Variants in ATG4A observed in about 807,000 individuals in gnomAD.
The protein encoded by ATG4A is autophagy related 4A cysteine peptidase.
A neutral mutation model predicts 38.4 loss-of-function variants in ATG4A; 22 were observed. The ratio of observed to expected loss-of-function variants is 0.57; its 90% CI spans 0.41 to 0.82. The LOEUF (loss-of-function observed/expected upper bound fraction) is 0.82, where lower values mean the gene tolerates loss of function less well. ATG4A is among the 40% of genes least tolerant of loss of function. The pLI is 0.00. For missense variants in ATG4A, 220 were observed against 290.0 expected (o/e 0.76, Z 1.75); for synonymous variants, 86 against 100.7 (o/e 0.85, Z 0.88).
At chrX:108,152,477 C>T (rs953179008) in intron 11 of ATG4A, among the ~76,000 whole-genome samples, 5 of 111,455 alleles carry the variant, frequency 4.5e-5, no homozygotes, top group Non-Finnish European at 9.4e-5. Flanking sequence ...GTGATCTGCC[C>T]ACCTCGGCCT....
At chrX:108,108,008 G>A (rs2032230649) in intron 1 of ATG4A, among the ~76,000 whole-genome samples, 1 of 111,000 alleles carries the variant, frequency 9.0e-6, no homozygotes. Context: ...CTCCCTACTT[G>A]ATTTTTGCTG....
chrX:108,153,193 A>G (rs1360376202), intron 12 of ATG4A, 106 bp downstream of exon 12: 5 of 574,235 alleles, frequency 8.7e-6, no homozygotes, highest in Non-Finnish European at 1.1e-5. Flanking sequence ...TAAAATTTCT[A>G]CTCAGCTGGA....
Position 108,110,339 on chromosome X carries a change from C to T in ATG4A, c.11-15738C>T, listed in dbSNP as rs141589482. On this transcript the variant is annotated intron_variant, in intron 1 of 12. Coordinates refer to ENST00000372232, the MANE Select transcript of ATG4A (RefSeq NM_052936.5). ...GAACCGAGATTGTGCCACCGTACTC[C>T]AGCCTGGGTAACACAATGAGAACCT... Among the ~76,000 whole-genome samples, 6 of 107,100 alleles carry T rather than the reference C, an allele frequency of 5.6e-5. No individual in the cohort carries two copies. The East Asian group carries it at 1.5e-3, about 26-fold the overall frequency. 93.0% of individuals were successfully genotyped at this position (107,100 alleles called of 115,157 possible).
intron 1 of ATG4A, among the ~76,000 whole-genome samples, chrX:108,106,011 T>G (rs192362544): frequency 8.9e-6 from 1 of 111,913 alleles, no homozygotes; most frequent in African/African-American, 3.2e-5. Context: ...AAAATTATTT[T>G]ACTCAATATA....
chrX:108,122,631 T>A (rs1242643773), intron 1 of ATG4A, among the ~76,000 whole-genome samples: 1 of 111,770 alleles, frequency 8.9e-6, no homozygotes, highest in East Asian at 2.8e-4. Flanking sequence ...CATTATTCGA[T>A]CTGTCTGGAG....
At position 108,091,781 on chromosome X, in the gene ATG4A, C is replaced by G. The variant is rs1170520188; in HGVS notation, c.-46C>G. 1.7e-6 allele frequency: 2 copies of G among 1,205,068 alleles called. No individual in the cohort carries two copies. Among genetic ancestry groups the G allele is most frequent in the Middle Eastern group, 2.3e-4 (1 of 4,341 alleles). ...CCAGGGATCCTAGCGACCGTCCGTC[C>G]GTAGTCAAGTTGCCGGTGGAATTGG... On this transcript the variant is annotated 5_prime_UTR_variant, in exon 1 of 13. Coordinates refer to ENST00000372232, the MANE Select transcript of ATG4A (RefSeq NM_052936.5).
intron 4 of ATG4A, 152 bp downstream of exon 4, chrX:108,131,510 A>G (rs777108664): frequency 2.2e-4 from 104 of 471,153 alleles, no homozygotes; most frequent in East Asian, 1.9e-3. Context: ...TGGGGCTGAC[A>G]AGTCAACAAA....
intron 9 of ATG4A, among the ~76,000 whole-genome samples, chrX:108,149,348 T>C (rs1336369475): frequency 8.9e-6 from 1 of 112,707 alleles, no homozygotes; most frequent in Non-Finnish European, 1.9e-5. Flanking sequence ...TGATGAACAT[T>C]AGAGGGACTG....
At chrX:108,116,410 C>T (rs976981816) in intron 1 of ATG4A, among the ~76,000 whole-genome samples, 2 of 111,504 alleles carry the variant, frequency 1.8e-5, no homozygotes, top group African/African-American at 6.5e-5. Context: ...GGAAGGTGCT[C>T]CAAAGAGTAC....
chrX:108,122,928 A>G lies in ATG4A; in HGVS notation c.11-3149A>G, dbSNP rs145226014. ...GTGCACATGCTCCGGAAAGACCTCAATAGGTCCTAAGCTCTCACTCTGGCT... is the reference window on the plus strand; with the variant it reads ...GTGCACATGCTCCGGAAAGACCTCAGTAGGTCCTAAGCTCTCACTCTGGCT... On this transcript the variant is annotated intron_variant, in intron 1 of 12. Transcript: ENST00000372232. 2.4e-4 allele frequency among the ~76,000 whole-genome samples: 27 copies of G among 112,218 alleles called. No homozygotes were observed. The East Asian group carries it at 7.6e-3, about 32-fold the overall frequency.
At chrX:108,141,071 C>CATATATATACAT (rs1324240952) in intron 9 of ATG4A, among the ~76,000 whole-genome samples, 1 of 35,047 alleles carries the variant, frequency 2.9e-5, no homozygotes, top group African/African-American at 1.3e-4. Context: ...TATATATATA[C>CATATATATACAT]ATATATATAT....
intron 1 of ATG4A, among the ~76,000 whole-genome samples, chrX:108,094,169 A>C (rs753388440): frequency 9.0e-6 from 1 of 111,318 alleles, no homozygotes; most frequent in East Asian, 2.8e-4. Flanking sequence ...GATTTTCTCC[A>C]ATGTTTTCTT....
intron 9 of ATG4A, among the ~76,000 whole-genome samples, chrX:108,146,857 T>C (rs1453079943): frequency 1.8e-5 from 2 of 111,327 alleles, no homozygotes; most frequent in African/African-American, 6.6e-5. Context: ...TATTAGAACC[T>C]TTTTTAACTC....
intron 9 of ATG4A, among the ~76,000 whole-genome samples, chrX:108,145,661 A>G (rs5973848): frequency 0.4 from 44,812 of 111,043 alleles, 6,908 homozygotes; most frequent in Non-Finnish European, 0.47. Context: ...AATCTCTGCA[A>G]TCCCTCCAGG....
chrX:108,096,874 C>T (rs2031841402), intron 1 of ATG4A, among the ~76,000 whole-genome samples: 1 of 110,125 alleles, frequency 9.1e-6, no homozygotes, highest in Non-Finnish European at 1.9e-5. Context: ...GATGTGGTTG[C>T]TGTTTATGTC....
chrX:108,092,884 A>G (rs754911621), intron 1 of ATG4A, among the ~76,000 whole-genome samples: 8 of 112,012 alleles, frequency 7.1e-5, no homozygotes, highest in African/African-American at 2.3e-4. Flanking sequence ...TACCTATTTA[A>G]TCTTTGAAAA....
chrX:108,110,201 CA>C lies in ATG4A; in HGVS notation c.11-15857del, dbSNP rs35962236. ...GCAGCATGATGAAACCCTGTCTCCA[CA>C]AAAAAAAAAAAAAAAAAATTAGCTG... On this transcript the variant is annotated intron_variant, in intron 1 of 12. Transcript: ENST00000372232. Among the ~76,000 whole-genome samples the C allele has an allele frequency of 4.4e-3, 225 of 51,565 alleles. 1 individual carries two copies. The highest frequency in any genetic ancestry group is 0.015 in the African/African-American group (173 of 11,599). The allele number at this position is 51,565 out of a possible 115,157, so 44.8% of individuals were successfully genotyped here.
At chrX:108,137,201 T>C (rs771208478) in intron 7 of ATG4A, 31 bp downstream of exon 7, 5 of 1,102,157 alleles carry the variant, frequency 4.5e-6, no homozygotes, top group Non-Finnish European at 6.2e-6. Context: ...ACTTCCCAGC[T>C]GATGGGTGAT....
At chrX:108,149,449 A>T (rs1457009657) in intron 9 of ATG4A, among the ~76,000 whole-genome samples, 1 of 112,920 alleles carries the variant, frequency 8.9e-6, no homozygotes, top group Non-Finnish European at 1.9e-5. Context: ...CAATTTAATG[A>T]AGCATAGCTT....
Sources: allele counts gnomAD v4.1 joint callset (sites outside exome capture counted in the v4.1 genomes callset), GRCh38; gene constraint gnomAD v4.1.1; transcripts MANE v1.5; gene names NCBI Gene and HGNC (gene_info 2026-07-23, HGNC 2026-07-21).